ERG: variants seen among roughly 807,000 people sequenced by gnomAD.
The protein encoded by ERG is transcriptional regulator ERG.
ERG carries 9 observed loss-of-function variants against 55.3 expected under a neutral mutation model. That is an observed-to-expected ratio of 0.16 (90% CI 0.10 to 0.28). ERG has a LOEUF of 0.28. Among genes scored for constraint, ERG ranks in the 10% least tolerant of loss-of-function variants. The probability of loss-of-function intolerance (pLI) is 1.00; values close to 1 mark genes in which losing one functional copy is unlikely to be tolerated. For synonymous variants in ERG, 223 were observed against 237.3 expected, an observed-to-expected ratio of 0.94 and a Z score of 0.55; for missense variants, 434 against 631.6, an observed-to-expected ratio of 0.69 and a Z score of 3.35.
intron 1 of ERG, among the ~76,000 whole-genome samples, chr21:38,457,498 C>T (rs910130455): frequency 1.3e-5 from 2 of 151,952 alleles, no homozygotes; most frequent in Admixed American, 1.3e-4. Flanking sequence ...ATATCCAAAC[C>T]ATCAAGGCCT....
At chr21:38,406,154 C>CAAAAAAAAAAAAAAAAAAAAAAAAAA (rs56711562) in intron 3 of ERG, among the ~76,000 whole-genome samples, 2 of 95,080 alleles carry the variant, frequency 2.1e-5, no homozygotes, top group Non-Finnish European at 4.0e-5. Context: ...GACTCCATCT[C>CAAAAAAAAAAAAAAAAAAAAAAAAAA]AAAAAAAAAA....
At chr21:38,561,135 A>C (rs758646751) in intron 2 of ERG, among the ~76,000 whole-genome samples, 1 of 152,174 alleles carries the variant, frequency 6.6e-6, no homozygotes, top group African/African-American at 2.4e-5. Context: ...GGTTTGAGGA[A>C]TCAAGTAACA....
chr21:38,445,138 C>CTA (rs2058878538), intron 2 of ERG, among the ~76,000 whole-genome samples: 1 of 136,664 alleles, frequency 7.3e-6, no homozygotes, highest in African/African-American at 2.7e-5. Context: ...CTTTCTTCTT[C>CTA]TTTTTTTTTT....
intron 2 of ERG, among the ~76,000 whole-genome samples, chr21:38,519,779 G>A (rs1478041501): frequency 6.6e-6 from 1 of 152,134 alleles, no homozygotes; most frequent in South Asian, 2.1e-4. Flanking sequence ...CTACAAGAAT[G>A]TCCACTGCAG....
chr21:38,568,225 G>A (rs1428602410), intron 2 of ERG, among the ~76,000 whole-genome samples: 1 of 141,734 alleles, frequency 7.1e-6, no homozygotes, highest in African/African-American at 2.5e-5. Context: ...CAACATTATA[G>A]ATTAATAATA....
At chr21:38,523,350 G>A (rs1601184012) in intron 2 of ERG, among the ~76,000 whole-genome samples, 1 of 152,184 alleles carries the variant, frequency 6.6e-6, no homozygotes, top group Middle Eastern at 3.4e-3. Flanking sequence ...ACTTTTTGTA[G>A]AATCCAGAAA....
At chr21:38,558,041 AAT>A (rs2059868833) in intron 2 of ERG, among the ~76,000 whole-genome samples, 3 of 150,330 alleles carry the variant, frequency 2.0e-5, no homozygotes, top group Non-Finnish European at 4.4e-5. Flanking sequence ...CTTTGATCTA[AAT>A]CAGGATGCTA....
intron 1 of ERG, among the ~76,000 whole-genome samples, chr21:38,487,670 A>T (rs1166683693): frequency 6.6e-6 from 1 of 152,210 alleles, no homozygotes; most frequent in Non-Finnish European, 1.5e-5. Flanking sequence ...AGGAGGTAGC[A>T]CCTGTAAGGA....
chr21:38,495,145 T>C (rs2059369343), intron 1 of ERG, among the ~76,000 whole-genome samples: 1 of 152,212 alleles, frequency 6.6e-6, no homozygotes, highest in Admixed American at 6.5e-5. Context: ...ATCACATCCA[T>C]CAAAATTCTG....
At chr21:38,538,697 G>A (rs916255630) in intron 2 of ERG, among the ~76,000 whole-genome samples, 1 of 151,792 alleles carries the variant, frequency 6.6e-6, no homozygotes, top group African/African-American at 2.4e-5. Flanking sequence ...CAACTATATG[G>A]CCAAACATGA....
intron 1 of ERG, among the ~76,000 whole-genome samples, chr21:38,486,331 T>C (rs2059285317): frequency 6.6e-6 from 1 of 152,236 alleles, no homozygotes; most frequent in Non-Finnish European, 1.5e-5. Context: ...GGTCACATGC[T>C]GCACAGGTTT....
intron 1 of ERG, among the ~76,000 whole-genome samples, chr21:38,632,734 T>C (rs533605998): frequency 1.3e-5 from 2 of 152,320 alleles, no homozygotes; most frequent in South Asian, 4.1e-4. Flanking sequence ...CTTTCCTTTA[T>C]AAATTACCCA....
chr21:38,553,619 T>A (rs998272977), intron 2 of ERG, among the ~76,000 whole-genome samples: 1 of 152,186 alleles, frequency 6.6e-6, no homozygotes, highest in African/African-American at 2.4e-5. Context: ...CTTGGATAAC[T>A]AGCTAGCCAT....
chr21:38,605,971 ATAGG>A (rs935137365), intron 1 of ERG, among the ~76,000 whole-genome samples: 3 of 152,040 alleles, frequency 2.0e-5, no homozygotes, highest in Admixed American at 6.5e-5. Flanking sequence ...AGGTAGGTAG[ATAGG>A]TAGGTAGGTA....
At chr21:38,621,872 G>T (rs1051692816) in intron 1 of ERG, among the ~76,000 whole-genome samples, 31 of 152,196 alleles carry the variant, frequency 2.0e-4, no homozygotes, top group African/African-American at 7.5e-4. Flanking sequence ...TGCCTTTCCA[G>T]CAATGAAAAC....
At chr21:38,545,810 T>A (rs1280118394) in intron 2 of ERG, among the ~76,000 whole-genome samples, 1 of 152,214 alleles carries the variant, frequency 6.6e-6, no homozygotes, top group African/African-American at 2.4e-5. Context: ...AACTGTCCCC[T>A]TGCCCAGTGG....
intron 2 of ERG, among the ~76,000 whole-genome samples, chr21:38,441,847 G>T (rs1005826104): frequency 6.6e-6 from 1 of 152,150 alleles, no homozygotes. Context: ...AGGCACGTAG[G>T]CCTGGATTGA....
intron 1 of ERG, among the ~76,000 whole-genome samples, chr21:38,578,584 C>T (rs538035594): frequency 3.9e-5 from 6 of 152,252 alleles, no homozygotes; most frequent in South Asian, 2.1e-4. Context: ...CTGTAACTTT[C>T]CACCAGCATG....
chr21:38,397,213 CACAGCA>C (rs547391381), intron 6 of ERG, among the ~76,000 whole-genome samples: 290 of 152,212 alleles, frequency 1.9e-3, no homozygotes, highest in Non-Finnish European at 3.2e-3. Flanking sequence ...ACTGAACTGA[CACAGCA>C]GCAGCGAGAC....
Sources: allele counts gnomAD v4.1 joint callset (sites outside exome capture counted in the v4.1 genomes callset), GRCh38; gene constraint gnomAD v4.1.1; transcripts MANE v1.5; gene names NCBI Gene and HGNC (gene_info 2026-07-23, HGNC 2026-07-21).